The following WDR35 variants were observed in gnomAD, a reference collection of about 807,000 sequenced individuals.
The protein encoded by WDR35 is WD repeat-containing protein 35.
In WDR35, 118 loss-of-function variants were observed where a neutral mutation model predicts 158.3. The observed-to-expected ratio is 0.75, with a 90% CI of 0.64 to 0.87. The LOEUF is 0.87. Among genes scored for constraint, WDR35 ranks in the 40% least tolerant of loss-of-function variants. The pLI, the probability that WDR35 is intolerant of heterozygous loss-of-function variation, is 0.00. For missense variants in WDR35, 1,263 were observed against 1,405.8 expected (o/e 0.90, Z 1.62); for synonymous variants, 448 against 476.1 (o/e 0.94, Z 0.77).
chr2:19,981,004 CCCAGTAAAGACA>C (rs1672365693), intron 3 of WDR35, among the ~76,000 whole-genome samples: 1 of 152,146 alleles, frequency 6.6e-6, no homozygotes, highest in African/African-American at 2.4e-5. Flanking sequence ...CCTATTTCAT[CCCAGTAAAGACA>C]CCAATCATGG....
At chr2:19,917,529 C>T (rs1022340994) in intron 25 of WDR35, among the ~76,000 whole-genome samples, 2 of 152,250 alleles carry the variant, frequency 1.3e-5, no homozygotes, top group African/African-American at 4.8e-5. Flanking sequence ...ACTAGAATAA[C>T]CAGTTTAGAG....
In WDR35 at chr2:19,973,727, A is replaced by C; in HGVS notation, c.737-19T>G. 1 of 1,607,782 alleles carries C rather than the reference A, an allele frequency of 6.2e-7. No homozygotes were observed. The highest frequency in any genetic ancestry group is 8.5e-7 in the Non-Finnish European group (1 of 1,176,466). On this transcript the variant is annotated intron_variant, in intron 7 of 26. Transcript: ENST00000281405. ...ACGGGATCTAGTCAGAAAGAGAAAAATGAGGTCACTGTGGGAAAATACGTA... is the reference window on the plus strand; with the variant it reads ...ACGGGATCTAGTCAGAAAGAGAAAACTGAGGTCACTGTGGGAAAATACGTA...
At chr2:19,913,883 T>C (rs759825632) in intron 26 of WDR35, among the ~76,000 whole-genome samples, 154 bp downstream of exon 26, 27 of 152,218 alleles carry the variant, frequency 1.8e-4, no homozygotes, top group Non-Finnish European at 3.2e-4. Context: ...AAATAAAGCA[T>C]GAATACACTT....
intron 10 of WDR35, among the ~76,000 whole-genome samples, chr2:19,963,725 T>A (rs974925630): frequency 2.2e-5 from 1 of 45,202 alleles, no homozygotes; most frequent in Non-Finnish European, 4.4e-5. Context: ...TCCACCCATT[T>A]ATTTATTTAT....
intron 11 of WDR35, among the ~76,000 whole-genome samples, chr2:19,955,880 T>C (rs568250507): frequency 1.2e-4 from 18 of 152,232 alleles, no homozygotes; most frequent in African/African-American, 4.3e-4. Context: ...AATTTTTATA[T>C]GCTAAATAAC....
chr2:19,987,111 C>T (rs548173854), intron 2 of WDR35, among the ~76,000 whole-genome samples: 65 of 152,214 alleles, frequency 4.3e-4, no homozygotes, highest in African/African-American at 1.1e-3. Context: ...GATTTATGGA[C>T]GTAGAGGATT....
In WDR35 at chr2:19,966,860, C is replaced by T. The variant is rs76623454; in HGVS notation, c.1058G>A (p.Arg353His). 51 of 1,613,550 alleles carry T rather than the reference C, an allele frequency of 3.2e-5. No individual in the cohort carries two copies. Among genetic ancestry groups the T allele is most frequent in the African/African-American group, 5.3e-5 (4 of 74,798 alleles). Reference protein sequence around the residue: ...TVVYAYTRPDRPEYCVVFWDT... With the variant: ...TVVYAYTRPDHPEYCVVFWDT... ...CCAGAAGACAACACAATATTCTGGACGATCAGGTCTGGTATATGCATAAAC... is the reference window on the plus strand; with the variant it reads ...CCAGAAGACAACACAATATTCTGGATGATCAGGTCTGGTATATGCATAAAC... Residue 353 changes from arginine (R) to histidine (H), a missense_variant, in exon 10 of 27, where the codon CGT becomes CAT. By Grantham distance (29) the Arg-to-His change is conservative (BLOSUM62 0). Coordinates refer to ENST00000281405, the MANE Select transcript of WDR35 (RefSeq NM_020779.4).
chr2:19,944,506 A>C (rs1272259822), intron 16 of WDR35, among the ~76,000 whole-genome samples: 1 of 152,122 alleles, frequency 6.6e-6, no homozygotes, highest in African/African-American at 2.4e-5. Context: ...TAACATTCAA[A>C]AAGTATTCTA....
intron 19 of WDR35, 101 bp downstream of exon 19, chr2:19,937,642 G>A: frequency 6.8e-7 from 1 of 1,461,088 alleles, no homozygotes; most frequent in East Asian, 2.3e-5. Flanking sequence ...TTTCTAAAAG[G>A]AACCATATGA....
At chr2:19,950,392 C>T (rs958869744) in intron 13 of WDR35, among the ~76,000 whole-genome samples, 2 of 152,036 alleles carry the variant, frequency 1.3e-5, no homozygotes, top group African/African-American at 4.8e-5. Flanking sequence ...ATGGAATGAA[C>T]AGTAGGGGAA....
Position 19,938,495 on chromosome 2 carries a change from G to A in WDR35, c.1927-94C>T. 15 of 1,386,132 alleles carry A rather than the reference G, an allele frequency of 1.1e-5. No individual in the cohort carries two copies. In the Admixed American group the frequency reaches 1.7e-4, roughly 15 times the overall value. 85.9% of individuals were successfully genotyped at this position (1,386,132 alleles called of 1,614,324 possible). ...TAAAAACCAGAACAAAACAAAACAA[G>A]AAAAAAAACGGCATCATATTGTGAG... On this transcript the variant is annotated intron_variant, in intron 17 of 26. Transcript: ENST00000281405.
chr2:19,989,895 G>A, intron 1 of WDR35, 97 bp downstream of exon 1: 2 of 1,569,670 alleles, frequency 1.3e-6, no homozygotes, highest in African/African-American at 1.4e-5. Context: ...CCACGACCAG[G>A]ACCGGGTGAA....
chr2:19,938,115 C>T, intron 18 of WDR35, 150 bp downstream of exon 18: 1 of 1,400,326 alleles, frequency 7.1e-7, no homozygotes, highest in Non-Finnish European at 9.8e-7. Flanking sequence ...TTGAGGACTT[C>T]CAAATCTAAA....
At position 19,945,914 on chromosome 2, in the gene WDR35, C is replaced by T. The variant is rs2103415803; in HGVS notation, c.1717G>A (p.Val573Ile). 1 of 1,614,016 alleles carries T rather than the reference C, an allele frequency of 6.2e-7. No individual in the cohort carries two copies. Among genetic ancestry groups the T allele is most frequent in the Non-Finnish European group, 8.5e-7 (1 of 1,179,902 alleles). The change falls in exon 16 of 27, where the codon GTA becomes ATA. Residue 573 changes from valine (V) to isoleucine (I), a missense_variant. Transcript: ENST00000281405. The part of the protein sequence containing the change: ...ARVTDSTGQQ[V>I]VGELLKLERR... ...TCCAATTTTAACAACTCTCCAACTA[C>T]TTGCTGTCCCGTACTGTCCGTTACT...
intron 21 of WDR35, 103 bp downstream of exon 21, chr2:19,935,368 T>C (rs1293530286): frequency 3.9e-6 from 5 of 1,287,574 alleles, no homozygotes; most frequent in Middle Eastern, 1.9e-4. Context: ...TGTAACATTA[T>C]AGATTTTTAA....
intron 16 of WDR35, among the ~76,000 whole-genome samples, chr2:19,944,084 T>C (rs139871328): frequency 9.9e-5 from 15 of 152,176 alleles, no homozygotes; most frequent in African/African-American, 2.2e-4. Context: ...ATCATGTTCT[T>C]ACATGATCAA....
intron 11 of WDR35, among the ~76,000 whole-genome samples, chr2:19,955,111 C>A (rs1671383183): frequency 6.6e-6 from 1 of 152,098 alleles, no homozygotes; most frequent in South Asian, 2.1e-4. Flanking sequence ...CACCACCACG[C>A]CCAGCTAATT....
At chr2:19,980,668 T>C (rs751479404) in intron 4 of WDR35, 23 bp downstream of exon 4, 8 of 1,597,162 alleles carry the variant, frequency 5.0e-6, no homozygotes, top group Non-Finnish European at 6.9e-6. Flanking sequence ...AAAAATTAAA[T>C]AATCTCTCCT....
chr2:19,946,815 T>C (rs575107188), intron 14 of WDR35, among the ~76,000 whole-genome samples: 2 of 152,248 alleles, frequency 1.3e-5, no homozygotes, highest in East Asian at 3.9e-4. Flanking sequence ...GTCAGAAACC[T>C]AGCACTTTGG....
Sources: gnomAD v4.1 joint callset for allele counts (sites outside exome capture counted in the v4.1 genomes callset) on GRCh38, gnomAD v4.1.1 for gene constraint, MANE v1.5 for transcripts, NCBI Gene and HGNC (gene_info 2026-07-23, HGNC 2026-07-21) for gene names.